POU2F3: variants seen among roughly 807,000 people sequenced by gnomAD.
The protein encoded by POU2F3 is POU domain, class 2, transcription factor 3.
POU2F3 carries 23 observed loss-of-function variants against 59.2 expected under a neutral mutation model. The ratio of observed to expected loss-of-function variants is 0.39; its 90% CI spans 0.28 to 0.55. The LOEUF (loss-of-function observed/expected upper bound fraction) is 0.55. POU2F3 is among the 20% of genes least tolerant of loss of function. The probability of loss-of-function intolerance (pLI) is 0.66; values close to 1 mark genes in which losing one functional copy is unlikely to be tolerated. For synonymous variants in POU2F3, 190 were observed against 214.6 expected, an observed-to-expected ratio of 0.89 and a Z score of 1.00; for missense variants, 473 against 544.5, an observed-to-expected ratio of 0.87 and a Z score of 1.31.
At position 120,285,266 on chromosome 11, in the gene POU2F3, T is replaced by G. The variant is rs1018547034; in HGVS notation, c.133-12999T>G. On this transcript the variant is annotated intron_variant, in intron 3 of 12. Transcript: ENST00000543440. The surrounding 1 kb of genome is among the most constrained non-coding windows in gnomAD (Gnocchi z 4.3). ...CTGCTGACACCCCTGTCAGATGGCC[T>G]GTGGTCCCAAGTCTCTGCCAAAACT... Among the ~76,000 whole-genome samples the G allele has an allele frequency of 1.3e-5, 2 of 152,208 alleles. No homozygotes were observed. The highest frequency in any genetic ancestry group is 2.9e-5 in the Non-Finnish European group (2 of 68,046).
At chr11:120,304,973 C>G in intron 6 of POU2F3, 57 bp from the exon 7 acceptor site, 1 of 417,726 alleles carries the variant, frequency 2.4e-6, no homozygotes, top group Non-Finnish European at 3.9e-6. Context: ...AAAAAAAAAT[C>G]AGAAAATGTT....
chr11:120,255,663 C>G (rs1939309647), intron 2 of POU2F3, among the ~76,000 whole-genome samples: 1 of 152,128 alleles, frequency 6.6e-6, no homozygotes, highest in Admixed American at 6.5e-5. Context: ...CCTTCCCACC[C>G]CATCTCCACG....
chr11:120,241,359 C>T (rs1938654799), intron 1 of POU2F3, among the ~76,000 whole-genome samples: 1 of 152,282 alleles, frequency 6.6e-6, no homozygotes, highest in Non-Finnish European at 1.5e-5. Context: ...AGACCCACCC[C>T]AAGAAGCAGA....
intron 6 of POU2F3, 86 bp from the exon 7 acceptor site, chr11:120,304,944 A>G: frequency 7.3e-6 from 2 of 274,868 alleles, no homozygotes; most frequent in Non-Finnish European, 1.0e-5. Context: ...CCTATTAGTA[A>G]AAAAAAAAAA....
chr11:120,238,293 C>A (rs916607844), upstream of POU2F3, among the ~76,000 whole-genome samples: 1 of 152,028 alleles, frequency 6.6e-6, no homozygotes, highest in Non-Finnish European at 1.5e-5. Flanking sequence ...CCCTTCTTTT[C>A]GGGAGCGTGG....
chr11:120,288,562 CCT>C, intron 3 of POU2F3, among the ~76,000 whole-genome samples: 1 of 152,218 alleles, frequency 6.6e-6, no homozygotes, highest in Non-Finnish European at 1.5e-5. Context: ...CGTTTATGAC[CCT>C]GTTTTCCACA....
intron 3 of POU2F3, among the ~76,000 whole-genome samples, chr11:120,277,500 G>T (rs115580562): frequency 0.051 from 7,743 of 152,026 alleles, 623 homozygotes; most frequent in African/African-American, 0.17. Flanking sequence ...CATAGGCCAG[G>T]TGCGGTGCCT....
At chr11:120,273,227 T>G (rs1940154186) in intron 3 of POU2F3, among the ~76,000 whole-genome samples, 1 of 152,214 alleles carries the variant, frequency 6.6e-6, no homozygotes, top group African/African-American at 2.4e-5. Flanking sequence ...GTAGGCTGGA[T>G]CTAGGACCAT....
intron 3 of POU2F3, among the ~76,000 whole-genome samples, chr11:120,293,133 A>C (rs905087702): frequency 6.6e-6 from 1 of 152,104 alleles, no homozygotes. Context: ...CTTTTGTAGA[A>C]GTTTGATGCT....
upstream of POU2F3, among the ~76,000 whole-genome samples, chr11:120,238,131 T>C (rs375913582): frequency 2.4e-4 from 37 of 152,014 alleles, no homozygotes; most frequent in East Asian, 3.7e-3. Flanking sequence ...TCCCAGCTAC[T>C]CGGGAGGCTG....
intron 12 of POU2F3, among the ~76,000 whole-genome samples, chr11:120,317,853 AG>A (rs1941828803): frequency 6.6e-6 from 1 of 152,226 alleles, no homozygotes; most frequent in African/African-American, 2.4e-5. Flanking sequence ...CAGTTCATGA[AG>A]CAAAGAATCT....
intron 3 of POU2F3, among the ~76,000 whole-genome samples, chr11:120,297,325 G>C (rs1287880542): frequency 2.6e-5 from 4 of 152,224 alleles, no homozygotes; most frequent in Non-Finnish European, 4.4e-5. Context: ...TGGGTGGTTA[G>C]TACTGTCATT....
At chr11:120,298,582 G>A (rs922812231) in intron 4 of POU2F3, among the ~76,000 whole-genome samples, 192 bp downstream of exon 4, 3 of 152,186 alleles carry the variant, frequency 2.0e-5, no homozygotes, top group African/African-American at 4.8e-5. Flanking sequence ...GAAGAGGGAG[G>A]CCTCTACTTC....
intron 8 of POU2F3, 121 bp downstream of exon 8, chr11:120,305,906 T>C: frequency 8.2e-7 from 1 of 1,218,298 alleles, no homozygotes; most frequent in South Asian, 1.5e-5. Context: ...CTCCTGAGAC[T>C]GGAGCCGATG....
intron 3 of POU2F3, among the ~76,000 whole-genome samples, chr11:120,274,988 C>T (rs1038873392): frequency 1.1e-4 from 16 of 152,124 alleles, no homozygotes; most frequent in Non-Finnish European, 1.5e-5. Context: ...TGGCTAGGAA[C>T]TTGGAAGTCA....
In POU2F3 at chr11:120,307,519, C is replaced by T. The variant is rs1941531012; in HGVS notation, c.810C>T (p.Ser270=). ...ACCCCTCAGTGAGCACGCCCAGCTC[C>T]TACCCCAGCCTCAGTGAAGTATTTG... ...PSDPSVSTPS[S]YPSLSEVFGR... The change falls in exon 9 of 13, where the codon TCC becomes TCT. Residue 270 remains serine (S), a synonymous_variant. Transcript: ENST00000543440. The T allele has an allele frequency of 4.3e-6, 7 of 1,614,208 alleles. No individual in the cohort carries two copies. Among genetic ancestry groups the T allele is most frequent in the Non-Finnish European group, 5.9e-6 (7 of 1,180,026 alleles).
chr11:120,270,629 A>G (rs945599315), intron 3 of POU2F3, among the ~76,000 whole-genome samples: 5 of 152,146 alleles, frequency 3.3e-5, no homozygotes, highest in African/African-American at 1.2e-4. Flanking sequence ...GAAGTCTAGG[A>G]TGGGGGCTGG....
At chr11:120,239,812 C>G (rs1464394509), upstream of POU2F3, among the ~76,000 whole-genome samples, 1 of 152,238 alleles carries the variant, frequency 6.6e-6, no homozygotes, top group Non-Finnish European at 1.5e-5. Context: ...AACACTCCAA[C>G]TCCTTGCAGC....
chr11:120,247,861 G>C (rs968553249), intron 2 of POU2F3, among the ~76,000 whole-genome samples: 4 of 152,208 alleles, frequency 2.6e-5, no homozygotes, highest in African/African-American at 9.6e-5. Context: ...AGCCAATTCT[G>C]TTTACCTGGG....
Sources: allele counts gnomAD v4.1 joint callset (sites outside exome capture counted in the v4.1 genomes callset), GRCh38; gene constraint gnomAD v4.1.1; non-coding constraint Gnocchi (gnomAD v3.1); transcripts MANE v1.5; gene names NCBI Gene and HGNC (gene_info 2026-07-23, HGNC 2026-07-21).